CSF2RA: variants seen among roughly 807,000 people sequenced by gnomAD.
CSF2RA encodes colony stimulating factor 2 receptor subunit alpha.
In CSF2RA, 42 loss-of-function variants were observed where a neutral mutation model predicts 51.6. That is an observed-to-expected ratio of 0.81 (90% confidence interval 0.64 to 1.05). The LOEUF (loss-of-function observed/expected upper bound fraction) is 1.05, where lower values mean the gene tolerates loss of function less well. Among genes scored for constraint, CSF2RA ranks in the 50% least tolerant of loss-of-function variants. CSF2RA has a pLI of 0.00. For missense variants in CSF2RA, 530 were observed against 501.1 expected (o/e 1.06, Z -0.55); for synonymous variants, 222 against 193.0 (o/e 1.15, Z -1.24).
chrX:1,301,786 A>T (rs1285339865), intron 10 of CSF2RA, among the ~76,000 whole-genome samples: 8 of 144,892 alleles, frequency 5.5e-5, no homozygotes, highest in Non-Finnish European at 4.5e-5. Context: ...TTTTTTTTTT[A>T]GTAGAGACAG....
chrX:1,324,450 GAAAA>G, the CSF2RA span, among the ~76,000 whole-genome samples: 3,415 of 67,626 alleles, frequency 0.05, 164 homozygotes, highest in African/African-American at 0.11. Flanking sequence ...AAAAAAGAAA[GAAAA>G]AGAAAGAGAA....
intron 11 of CSF2RA, among the ~76,000 whole-genome samples, 184 bp from the exon 12 acceptor site, chrX:1,305,262 C>T (rs375352872): frequency 6.6e-6 from 1 of 152,166 alleles, no homozygotes; most frequent in South Asian, 2.1e-4. Flanking sequence ...GCTGGGATTA[C>T]AGGTGTGAGC....
At chrX:1,318,106 AGC>A in the CSF2RA span, among the ~76,000 whole-genome samples, 1 of 150,814 alleles carries the variant, frequency 6.6e-6, no homozygotes, top group Non-Finnish European at 1.5e-5. Flanking sequence ...CTCCTGTCTC[AGC>A]CTCCCGAGTA....
downstream of CSF2RA, chrX:1,310,150 G>A (rs2084096816): frequency 4.3e-6 from 1 of 231,364 alleles, no homozygotes; most frequent in Non-Finnish European, 8.1e-6. Context: ...TTGCACCGTT[G>A]CACTCCAGCC....
chrX:1,310,030 A>C, downstream of CSF2RA: 2 of 379,172 alleles, frequency 5.3e-6, no homozygotes, highest in Admixed American at 4.2e-5. Flanking sequence ...CCCTGTCTCT[A>C]CAAAAAAGGC....
chrX:1,269,883 G>A (rs186486185), intron 1 of CSF2RA, among the ~76,000 whole-genome samples: 170 of 152,156 alleles, frequency 1.1e-3, no homozygotes, highest in African/African-American at 3.7e-3. Context: ...TGAGGCGGGC[G>A]GATCACCTGA....
chrX:1,291,279 T>C (rs1366896137), intron 7 of CSF2RA, among the ~76,000 whole-genome samples: 22 of 23,732 alleles, frequency 9.3e-4, no homozygotes, highest in African/African-American at 2.3e-3. Flanking sequence ...TTTCTTCTTT[T>C]TTCTTCCTTC....
intron 4 of CSF2RA, 42 bp downstream of exon 4, chrX:1,285,962 C>A (rs143387243): frequency 6.2e-7 from 1 of 1,613,288 alleles, no homozygotes; most frequent in African/African-American, 1.3e-5. Context: ...CCTTTACACA[C>A]CCCTTTCTGA....
intron 10 of CSF2RA, chrX:1,303,170 G>T (rs753241071): frequency 8.7e-4 from 231 of 265,090 alleles, no homozygotes; most frequent in African/African-American, 4.7e-3. Context: ...CGATTCTCCT[G>T]CCTCAGCCTC....
intron 11 of CSF2RA, among the ~76,000 whole-genome samples, chrX:1,304,649 T>TG (rs1569511417): frequency 2.5e-5 from 3 of 117,806 alleles, no homozygotes; most frequent in Non-Finnish European, 1.7e-5. Context: ...GGTGGGTTTT[T>TG]TTTTGTTTGT....
At chrX:1,298,998 C>T (rs1369077836) in intron 9 of CSF2RA, among the ~76,000 whole-genome samples, 1 of 152,202 alleles carries the variant, frequency 6.6e-6, no homozygotes, top group African/African-American at 2.4e-5. Flanking sequence ...TTATGGGACT[C>T]TTAGTGCCAG....
chrX:1,304,493 C>T (rs1246798978), intron 11 of CSF2RA, among the ~76,000 whole-genome samples: 1 of 151,272 alleles, frequency 6.6e-6, no homozygotes, highest in East Asian at 2.0e-4. Context: ...CTCAGCCCCT[C>T]GGGCACAGGG....
chrX:1,274,571 T>C (rs761965223), intron 1 of CSF2RA, among the ~76,000 whole-genome samples, 184 bp from the exon 2 acceptor site: 2 of 1,916 alleles, frequency 1.0e-3, no homozygotes, highest in Middle Eastern at 0.12. Flanking sequence ...ATGATCCACC[T>C]GCCTCGGCCT....
intron 4 of CSF2RA, among the ~76,000 whole-genome samples, chrX:1,286,451 C>G (rs2090671599): frequency 7.2e-6 from 1 of 139,210 alleles, no homozygotes; most frequent in Non-Finnish European, 1.6e-5. Context: ...CATCTGTAAT[C>G]CCAGCTACTC....
At chrX:1,310,893 C>T (rs770484507), downstream of CSF2RA, among the ~76,000 whole-genome samples, 39 of 152,016 alleles carry the variant, frequency 2.6e-4, no homozygotes, top group African/African-American at 9.2e-4. Context: ...TGGCTTGGTG[C>T]CTTTCTTGTA....
intron 11 of CSF2RA, among the ~76,000 whole-genome samples, chrX:1,304,760 G>A (rs1207387919): frequency 2.0e-5 from 3 of 151,848 alleles, no homozygotes; most frequent in Admixed American, 2.0e-4. Context: ...CACCTCCCGG[G>A]TTCACGCCAT....
chrX:1,301,456 A>G (rs1319247524), intron 10 of CSF2RA, among the ~76,000 whole-genome samples: 1 of 151,616 alleles, frequency 6.6e-6, no homozygotes, highest in Admixed American at 6.6e-5. Context: ...CTTAATAGCC[A>G]GAGAAGGACC....
rs531210917 is a variant in CSF2RA at position 1,288,925 on chromosome X, G to A, written c.473+37G>A. 121 of 1,612,370 alleles carry A rather than the reference G, an allele frequency of 7.5e-5. No individual in the cohort carries two copies. In the East Asian group the frequency reaches 2.1e-3, roughly 28 times the overall value. ...CCTCATGTGAAGAATTATGAGGAATGCAGGGATGGGAGAAAAAATCATGCT... is the reference window on the plus strand; with the variant it reads ...CCTCATGTGAAGAATTATGAGGAATACAGGGATGGGAGAAAAAATCATGCT... On this transcript the variant is annotated intron_variant, in intron 6 of 12. Transcript: ENST00000381529.
At chrX:1,300,379 A>C in intron 9 of CSF2RA, 112 bp from the exon 10 acceptor site, 1 of 1,351,410 alleles carries the variant, frequency 7.4e-7, no homozygotes, top group East Asian at 2.3e-5. Flanking sequence ...AAAAAGAAGA[A>C]AAAGAAAAAA....
Sources: allele counts gnomAD v4.1 joint callset (sites outside exome capture counted in the v4.1 genomes callset), GRCh38; gene constraint gnomAD v4.1.1; transcripts MANE v1.5; gene names NCBI Gene and HGNC (gene_info 2026-07-23, HGNC 2026-07-21).